KDELR2: variants seen among roughly 807,000 people sequenced by gnomAD.
The protein encoded by KDELR2 is ER lumen protein-retaining receptor 2.
Under a neutral mutation model 23.9 loss-of-function variants are expected in KDELR2, and 15 were observed. The ratio of observed to expected loss-of-function variants is 0.63; its 90% CI spans 0.42 to 0.97. The LOEUF is 0.97. Ranked by LOEUF, KDELR2 falls within the 50% of genes least tolerant of loss-of-function variation. The pLI is 0.00. For synonymous variants in KDELR2, 119 were observed against 106.2 expected, an observed-to-expected ratio of 1.12 and a Z score of -0.74; for missense variants, 272 against 254.6, an observed-to-expected ratio of 1.07 and a Z score of -0.46.
chr7:6,478,845 G>A (rs924232911), intron 1 of KDELR2, among the ~76,000 whole-genome samples: 1 of 152,032 alleles, frequency 6.6e-6, no homozygotes, highest in Non-Finnish European at 1.5e-5. Context: ...CTGGAGTGCA[G>A]TGGTGCGATC....
chr7:6,466,800 G>A (rs1785512937), intron 3 of KDELR2, among the ~76,000 whole-genome samples: 1 of 151,724 alleles, frequency 6.6e-6, no homozygotes, highest in Admixed American at 6.6e-5. Flanking sequence ...TTCACAATAG[G>A]GCTCATGCTC....
chr7:6,466,423 T>G, intron 3 of KDELR2, 100 bp from the exon 4 acceptor site: 1 of 1,452,844 alleles, frequency 6.9e-7, no homozygotes, highest in Non-Finnish European at 9.3e-7. Flanking sequence ...CTAAGATGAG[T>G]GGGGAGTGGG....
intron 2 of KDELR2, among the ~76,000 whole-genome samples, chr7:6,470,777 C>T (rs1048173755): frequency 1.3e-5 from 2 of 152,130 alleles, no homozygotes; most frequent in Non-Finnish European, 2.9e-5. Flanking sequence ...TCACCAAAAA[C>T]TGGATAAATA....
Position 6,468,368 on chromosome 7 carries a change from C to T in KDELR2, c.351+1228G>A, listed in dbSNP as rs143868802. Reference sequence around the variant, plus strand: ...TTCTTTAGATGGAGTCTTGCTCTGTCGCTAAGGCTGGAGTGCAGTGGCTCG... The same window carrying T: ...TTCTTTAGATGGAGTCTTGCTCTGTTGCTAAGGCTGGAGTGCAGTGGCTCG... On this transcript the variant is annotated intron_variant, in intron 3 of 4. Coordinates refer to ENST00000258739, the MANE Select transcript of KDELR2 (RefSeq NM_006854.4). Among the ~76,000 whole-genome samples the T allele has an allele frequency of 3.8e-3, 580 of 152,314 alleles. 18 individuals carry two copies. In the East Asian group the frequency reaches 0.086, roughly 23 times the overall value.
intron 3 of KDELR2, among the ~76,000 whole-genome samples, chr7:6,467,720 C>G (rs1207804439): frequency 6.6e-6 from 1 of 152,094 alleles, no homozygotes; most frequent in African/African-American, 2.4e-5. Flanking sequence ...GAGATCATGC[C>G]ACTGCACTCC....
In KDELR2 at chr7:6,462,836, C is replaced by T. The variant is rs1785416561; in HGVS notation, c.*305G>A. 2.6e-6 allele frequency: 2 copies of T among 772,828 alleles called. No individual in the cohort carries two copies. Among genetic ancestry groups the T allele is most frequent in the South Asian group, 2.6e-5 (1 of 38,754 alleles). The allele number at this position is 772,828 out of a possible 1,614,324, so 47.9% of individuals were successfully genotyped here. On this transcript the variant is annotated 3_prime_UTR_variant, in exon 5 of 5. Transcript: ENST00000258739. ...AATAAAAAAAAAATTTGCACTTATT[C>T]CTCACAAAATCTTCACTTTTGGAAC...
rs925464315 is a variant in KDELR2 at position 6,465,963 on chromosome 7, T to A, written c.604+108A>T. 1.2e-5 allele frequency: 14 copies of A among 1,160,004 alleles called. No homozygotes were observed. The African/African-American group carries it at 1.8e-4, about 15-fold the overall frequency. The allele number at this position is 1,160,004 out of a possible 1,614,324, so 71.9% of individuals were successfully genotyped here. On this transcript the variant is annotated intron_variant, in intron 4 of 4. Coordinates refer to ENST00000258739, the MANE Select transcript of KDELR2 (RefSeq NM_006854.4). ...GTTATTGGCCAATCATGAAAGTGTT[T>A]CTCTGGAGCCAGTTTATGAGAGAGT...
intron 1 of KDELR2, among the ~76,000 whole-genome samples, chr7:6,479,764 A>T (rs1583321530): frequency 6.6e-6 from 1 of 152,226 alleles, no homozygotes; most frequent in African/African-American, 2.4e-5. Flanking sequence ...GGCGTGAGCC[A>T]CCACGCCCAG....
chr7:6,480,804 T>C (rs1169595664), intron 1 of KDELR2, among the ~76,000 whole-genome samples: 1 of 152,202 alleles, frequency 6.6e-6, no homozygotes, highest in Non-Finnish European at 1.5e-5. Context: ...TATAATTTAG[T>C]ATGGAAAAAT....
intron 4 of KDELR2, 76 bp from the exon 5 acceptor site, chr7:6,463,251 T>C (rs1305781429): frequency 2.6e-6 from 3 of 1,151,310 alleles, no homozygotes; most frequent in Non-Finnish European, 3.8e-6. Flanking sequence ...TTCCCATTCC[T>C]AGAAGTCTCC....
chr7:6,465,107 C>G (rs1211952997), intron 4 of KDELR2, among the ~76,000 whole-genome samples: 2 of 150,936 alleles, frequency 1.3e-5, no homozygotes, highest in Non-Finnish European at 2.9e-5. Flanking sequence ...AGCCTGGGAT[C>G]TGTGGTTGGG....
At chr7:6,469,029 G>A (rs984181610) in intron 3 of KDELR2, among the ~76,000 whole-genome samples, 16 of 150,708 alleles carry the variant, frequency 1.1e-4, no homozygotes, top group Admixed American at 2.0e-4. Context: ...TCAGCTCACT[G>A]CAAGCTCCAC....
At chr7:6,474,752 C>G (rs1165971269) in intron 1 of KDELR2, among the ~76,000 whole-genome samples, 1 of 152,184 alleles carries the variant, frequency 6.6e-6, no homozygotes, top group East Asian at 1.9e-4. Context: ...TAGCCTTGAC[C>G]TCCTGGGCTT....
intron 2 of KDELR2, among the ~76,000 whole-genome samples, chr7:6,473,478 C>T (rs1396312281): frequency 1.3e-5 from 2 of 152,172 alleles, no homozygotes; most frequent in Non-Finnish European, 2.9e-5. Flanking sequence ...ACCAGTGCTA[C>T]ACAAAGTGTT....
chr7:6,471,094 G>C (rs958530678), intron 2 of KDELR2, among the ~76,000 whole-genome samples: 3 of 144,948 alleles, frequency 2.1e-5, no homozygotes, highest in Non-Finnish European at 4.5e-5. Flanking sequence ...TCCAGCCTGG[G>C]TGACAGACTG....
At chr7:6,470,697 T>C (rs1358433261) in intron 2 of KDELR2, among the ~76,000 whole-genome samples, 1 of 152,232 alleles carries the variant, frequency 6.6e-6, no homozygotes, top group Non-Finnish European at 1.5e-5. Flanking sequence ...GTACTCCTTA[T>C]AATTTTTGTT....
At chr7:6,466,377 G>C in intron 3 of KDELR2, 54 bp from the exon 4 acceptor site, 2 of 1,591,768 alleles carry the variant, frequency 1.3e-6, no homozygotes, top group Non-Finnish European at 8.6e-7. Flanking sequence ...CAGGAGCTCA[G>C]AGGAAACACT....
intron 4 of KDELR2, among the ~76,000 whole-genome samples, chr7:6,463,812 G>A (rs1330074871): frequency 6.6e-6 from 1 of 151,422 alleles, no homozygotes; most frequent in Non-Finnish European, 1.5e-5. Flanking sequence ...TATACTTCCG[G>A]CACTGTGGGA....
chr7:6,483,709 C>T (rs1378760997), intron 1 of KDELR2, among the ~76,000 whole-genome samples: 1 of 152,230 alleles, frequency 6.6e-6, no homozygotes, highest in Non-Finnish European at 1.5e-5. Flanking sequence ...CCCCGCGCAG[C>T]CGGGTGCGCT....
Sources: allele counts gnomAD v4.1 joint callset (sites outside exome capture counted in the v4.1 genomes callset), GRCh38; gene constraint gnomAD v4.1.1; transcripts MANE v1.5; gene names NCBI Gene and HGNC (gene_info 2026-07-23, HGNC 2026-07-21).